Variants in TMEM161B observed in about 807,000 individuals in gnomAD.
TMEM161B encodes transmembrane protein 161B.
TMEM161B carries 34 observed loss-of-function variants against 61.8 expected under a neutral mutation model. The ratio of observed to expected loss-of-function variants is 0.55; its 90% CI spans 0.42 to 0.73. The LOEUF (loss-of-function observed/expected upper bound fraction) is 0.73, where lower values mean the gene tolerates loss of function less well. Among genes scored for constraint, TMEM161B ranks in the 30% least tolerant of loss-of-function variants. TMEM161B has a pLI of 0.00. For missense variants in TMEM161B, 456 were observed against 558.5 expected (o/e 0.82, Z 1.85); for synonymous variants, 167 against 192.8 (o/e 0.87, Z 1.11).
chr5:88,187,450 A>G (rs574979404), downstream of TMEM161B, among the ~76,000 whole-genome samples: 143 of 152,232 alleles, frequency 9.4e-4, no homozygotes, highest in Non-Finnish European at 1.7e-3. Context: ...GAGTCTTCCA[A>G]TACATTCATG....
At chr5:88,190,067 G>C (rs780795715), downstream of TMEM161B, 24 of 700,346 alleles carry the variant, frequency 3.4e-5, no homozygotes, top group Admixed American at 2.0e-5. Context: ...GAAGCACATG[G>C]GTTATTTCAC....
chr5:88,202,171 T>C (rs1278235228), intron 9 of TMEM161B: 1 of 452,898 alleles, frequency 2.2e-6, no homozygotes, highest in Non-Finnish European at 4.4e-6. Flanking sequence ...CTGCCTCAAA[T>C]GAAGATTTTA....
chr5:88,213,439 G>A (rs576232523), intron 5 of TMEM161B, among the ~76,000 whole-genome samples: 21 of 152,042 alleles, frequency 1.4e-4, no homozygotes, highest in South Asian at 8.3e-4. Context: ...AAAAACTATC[G>A]TGCCTGTTTA....
At chr5:88,202,745 T>G in intron 9 of TMEM161B, 1 of 533,576 alleles carries the variant, frequency 1.9e-6, no homozygotes, top group Non-Finnish European at 3.3e-6. Flanking sequence ...AAGGTAATAT[T>G]AGTGCAAGGT....
intron 10 of TMEM161B, chr5:88,198,764 A>C: frequency 1.9e-6 from 1 of 514,842 alleles, no homozygotes; most frequent in Non-Finnish European, 3.4e-6. Context: ...GTATGACACC[A>C]AGCACTTAAG....
Position 88,195,550 on chromosome 5 carries a change from T to C in TMEM161B, c.*661A>G, listed in dbSNP as rs1749490765. ...AGATTACAAATGTTCATATGGCCAA[T>C]CATTTTAAAAGAACTCTCAAGTTGG... On this transcript the variant is annotated 3_prime_UTR_variant, in exon 12 of 12. Coordinates refer to ENST00000296595, the MANE Select transcript of TMEM161B (RefSeq NM_153354.5). 1 of 985,360 alleles carries C rather than the reference T, an allele frequency of 1.0e-6. No individual in the cohort carries two copies. Among genetic ancestry groups the C allele is most frequent in the Admixed American group, 6.2e-5 (1 of 16,204 alleles). 61.0% of individuals were successfully genotyped at this position (985,360 alleles called of 1,614,324 possible).
At chr5:88,238,473 T>A (rs1752217874) in intron 2 of TMEM161B, among the ~76,000 whole-genome samples, 1 of 152,148 alleles carries the variant, frequency 6.6e-6, no homozygotes, top group African/African-American at 2.4e-5. Context: ...CACATCTATT[T>A]ACTTGAATAG....
intron 5 of TMEM161B, among the ~76,000 whole-genome samples, chr5:88,210,487 T>C (rs1194850785): frequency 2.0e-5 from 3 of 152,180 alleles, no homozygotes; most frequent in Non-Finnish European, 2.9e-5. Context: ...CCACTCTGAT[T>C]GCCTTTCTAT....
At chr5:88,242,773 T>C (rs1752960363) in intron 1 of TMEM161B, among the ~76,000 whole-genome samples, 1 of 151,734 alleles carries the variant, frequency 6.6e-6, no homozygotes, top group Non-Finnish European at 1.5e-5. Flanking sequence ...AGACACAATT[T>C]TTCTTATGAT....
Position 88,196,028 on chromosome 5 carries a change from A to G in TMEM161B, c.*183T>C. On this transcript the variant is annotated 3_prime_UTR_variant, in exon 12 of 12. Coordinates refer to ENST00000296595, the MANE Select transcript of TMEM161B (RefSeq NM_153354.5). ...TGTAACAGTTAACAATCTATTTTGT[A>G]ATTTTAAATATTACTACATTAATTC... The G allele has an allele frequency of 1.4e-6, 2 of 1,383,266 alleles. No homozygotes were observed. Among genetic ancestry groups the G allele is most frequent in the African/African-American group, 1.5e-5 (1 of 68,022 alleles). The allele number at this position is 1,383,266 out of a possible 1,614,324, so 85.7% of individuals were successfully genotyped here.
At chr5:88,237,339 C>G (rs1344837599) in intron 2 of TMEM161B, among the ~76,000 whole-genome samples, 1 of 152,104 alleles carries the variant, frequency 6.6e-6, no homozygotes. Context: ...ATCCACAGCT[C>G]ACTCTCTCTT....
chr5:88,232,029 AT>A (rs1353373828), intron 2 of TMEM161B, among the ~76,000 whole-genome samples: 1 of 151,962 alleles, frequency 6.6e-6, no homozygotes, highest in Non-Finnish European at 1.5e-5. Flanking sequence ...CATTCCAGCA[AT>A]TTTTTTCCAT....
intron 3 of TMEM161B, 151 bp from the exon 4 acceptor site, chr5:88,226,017 AG>A: frequency 3.8e-6 from 2 of 527,454 alleles, no homozygotes; most frequent in Non-Finnish European, 6.6e-6. Flanking sequence ...AAGTACTCAA[AG>A]GTAGTTTTTA....
At chr5:88,221,055 T>G (rs1474484460) in intron 4 of TMEM161B, among the ~76,000 whole-genome samples, 1 of 152,226 alleles carries the variant, frequency 6.6e-6, no homozygotes, top group East Asian at 1.9e-4. Context: ...TAGTAAATAT[T>G]TTCTTTTAAA....
chr5:88,232,871 G>A (rs1751243193), intron 2 of TMEM161B, among the ~76,000 whole-genome samples: 1 of 152,238 alleles, frequency 6.6e-6, no homozygotes, highest in Non-Finnish European at 1.5e-5. Context: ...ACCGCGCCTG[G>A]CCTTAAGACA....
chr5:88,198,779 G>A, intron 10 of TMEM161B, 197 bp downstream of exon 10: 1 of 543,112 alleles, frequency 1.8e-6, no homozygotes, highest in Non-Finnish European at 3.2e-6. Context: ...CTTAAGGCAG[G>A]AAGAGGAATT....
chr5:88,261,398 C>CA (rs1287666976), intron 1 of TMEM161B, among the ~76,000 whole-genome samples: 53 of 147,582 alleles, frequency 3.6e-4, no homozygotes, highest in African/African-American at 8.5e-4. Context: ...TTAAGGGTAT[C>CA]AAAAAAAAAG....
rs150732808 is a variant in TMEM161B, at chr5:88,265,400, T to C, written c.3+3321A>G. Among the ~76,000 whole-genome samples the C allele has an allele frequency of 8.9e-4, 135 of 152,300 alleles. 1 individual carries two copies. Among genetic ancestry groups the C allele is most frequent in the Middle Eastern group, 6.8e-3 (2 of 294 alleles). ...CCACCTCAGATCATCAGGCATTAGA[T>C]TGTCATTTAAGGGTCACCTAACTCA... On this transcript the variant is annotated intron_variant, in intron 1 of 11. Coordinates refer to ENST00000296595, the MANE Select transcript of TMEM161B (RefSeq NM_153354.5).
At chr5:88,210,211 T>C (rs1279267128) in intron 5 of TMEM161B, among the ~76,000 whole-genome samples, 2 of 152,198 alleles carry the variant, frequency 1.3e-5, no homozygotes, top group Non-Finnish European at 2.9e-5. Flanking sequence ...AAGCAAAGAT[T>C]AAGTCTTCCT....
Sources: gnomAD v4.1 joint callset for allele counts (sites outside exome capture counted in the v4.1 genomes callset) on GRCh38, gnomAD v4.1.1 for gene constraint, MANE v1.5 for transcripts, NCBI Gene and HGNC (gene_info 2026-07-23, HGNC 2026-07-21) for gene names.